The following NRXN3 variants were observed in gnomAD, a reference collection of about 807,000 sequenced individuals.
The protein encoded by NRXN3 is neurexin 3.
Under a neutral mutation model 137.6 loss-of-function variants are expected in NRXN3, and 32 were observed. The observed-to-expected ratio is 0.23, with a 90% CI of 0.18 to 0.31. The LOEUF is 0.31. Among genes scored for constraint, NRXN3 ranks in the 10% least tolerant of loss-of-function variants. The pLI, the probability that NRXN3 is intolerant of heterozygous loss-of-function variation, is 1.00. For synonymous variants in NRXN3, 798 were observed against 784.5 expected (o/e 1.02, Z -0.29); for missense variants, 1,574 against 2,062.5 (o/e 0.76, Z 4.59).
intron 15 of NRXN3, among the ~76,000 whole-genome samples, chr14:79,282,489 G>A (rs1328308928): frequency 2.6e-5 from 4 of 151,616 alleles, no homozygotes; most frequent in African/African-American, 4.9e-5. Context: ...CTAAGTCAGA[G>A]TCAGTCTCTC....
At chr14:78,315,759 AT>A (rs1257882891) in intron 4 of NRXN3, among the ~76,000 whole-genome samples, 1 of 151,830 alleles carries the variant, frequency 6.6e-6, no homozygotes, top group East Asian at 1.9e-4. Context: ...ATATCTCAGC[AT>A]TTTTTTTCCT....
chr14:79,005,094 C>T (rs371130574), intron 15 of NRXN3, among the ~76,000 whole-genome samples: 11 of 152,162 alleles, frequency 7.2e-5, no homozygotes, highest in African/African-American at 2.2e-4. Context: ...TCTCCCATAC[C>T]TTAAACCTCC....
intron 11 of NRXN3, among the ~76,000 whole-genome samples, chr14:78,960,179 C>T (rs1019410431): frequency 5.3e-5 from 8 of 152,114 alleles, no homozygotes; most frequent in African/African-American, 1.7e-4. Context: ...CCCAACCCCC[C>T]GAACTTCACT....
intron 1 of NRXN3, among the ~76,000 whole-genome samples, chr14:78,210,084 A>C (rs1211798395): frequency 1.3e-5 from 2 of 152,244 alleles, no homozygotes; most frequent in African/African-American, 4.8e-5. Context: ...CCACCACACA[A>C]GGATCACTGC....
intron 16 of NRXN3, among the ~76,000 whole-genome samples, chr14:79,471,469 C>T (rs1005569592): frequency 6.6e-6 from 1 of 152,144 alleles, no homozygotes. Flanking sequence ...ATTTCTTTTC[C>T]TTTGTTATCC....
In NRXN3 at chr14:79,626,338, T is replaced by TCTCCTGGGACCATGATGGGTC. The variant is rs2098281178; in HGVS notation, c.3445-37439_3445-37419dup. 3.3e-5 allele frequency among the ~76,000 whole-genome samples: 5 copies of TCTCCTGGGACCATGATGGGTC among 151,900 alleles called. No homozygotes were observed. The South Asian group carries it at 1.0e-3, about 32-fold the overall frequency. ...CCTCCCCTCCAGATGCCTAGAGGTA[T>TCTCCTGGGACCATGATGGGTC]CTCCTGGGACCATGATGGGTCTCAG... is the stretch of plus-strand genomic sequence containing the variant. On this transcript the variant is annotated intron_variant, in intron 16 of 20. Coordinates refer to ENST00000335750, the MANE Select transcript of NRXN3 (RefSeq NM_001330195.2).
intron 1 of NRXN3, among the ~76,000 whole-genome samples, chr14:78,212,427 G>T (rs2062838507): frequency 6.6e-6 from 1 of 152,192 alleles, no homozygotes; most frequent in South Asian, 2.1e-4. Flanking sequence ...CCAGTCTGTA[G>T]ATTCTCTTGA....
At chr14:78,615,979 AC>A (rs2097344087) in intron 4 of NRXN3, among the ~76,000 whole-genome samples, 1 of 152,006 alleles carries the variant, frequency 6.6e-6, no homozygotes, top group South Asian at 2.1e-4. Flanking sequence ...AAACAAATCA[AC>A]AAAACCCTCA....
intron 15 of NRXN3, among the ~76,000 whole-genome samples, chr14:79,190,476 T>G (rs1423919474): frequency 2.6e-5 from 4 of 152,176 alleles, no homozygotes; most frequent in African/African-American, 7.2e-5. Flanking sequence ...TGGTCATTTT[T>G]AATGGACACG....
intron 4 of NRXN3, among the ~76,000 whole-genome samples, chr14:78,579,807 C>G (rs967922997): frequency 1.3e-5 from 2 of 152,148 alleles, no homozygotes; most frequent in African/African-American, 4.8e-5. Context: ...GATGTTCTCA[C>G]TGGAAAATAA....
chr14:79,402,999 G>A (rs893795500), intron 15 of NRXN3, among the ~76,000 whole-genome samples: 3 of 152,192 alleles, frequency 2.0e-5, no homozygotes, highest in Non-Finnish European at 2.9e-5. Flanking sequence ...TTTGAGGACT[G>A]TGGGATGGTA....
At chr14:79,813,808 G>A (rs924658686) in intron 20 of NRXN3, among the ~76,000 whole-genome samples, 6 of 151,782 alleles carry the variant, frequency 4.0e-5, no homozygotes, top group African/African-American at 1.5e-4. Context: ...TTATGACAAT[G>A]TAATTAATTG....
At chr14:79,108,571 A>G (rs920425786) in intron 15 of NRXN3, among the ~76,000 whole-genome samples, 2 of 152,186 alleles carry the variant, frequency 1.3e-5, no homozygotes, top group Non-Finnish European at 2.9e-5. Flanking sequence ...ACTGTCTGAA[A>G]CTTGAAACTT....
chr14:79,034,790 G>T (rs909681346), intron 15 of NRXN3, among the ~76,000 whole-genome samples: 1 of 152,100 alleles, frequency 6.6e-6, no homozygotes, highest in African/African-American at 2.4e-5. Context: ...ATTATTAGAA[G>T]TGACGAAAAC....
chr14:78,515,839 TCTC>T (rs974832998), intron 4 of NRXN3, among the ~76,000 whole-genome samples: 5 of 151,994 alleles, frequency 3.3e-5, no homozygotes, highest in African/African-American at 9.7e-5. Flanking sequence ...TAGATGGAAA[TCTC>T]CTCATTTCTT....
At chr14:78,439,883 C>A (rs1160736288) in intron 4 of NRXN3, among the ~76,000 whole-genome samples, 2 of 152,200 alleles carry the variant, frequency 1.3e-5, no homozygotes, top group African/African-American at 2.4e-5. Flanking sequence ...CTCATTCCCT[C>A]TCTTCCTCCT....
At chr14:78,421,801 G>C (rs1278486434) in intron 4 of NRXN3, among the ~76,000 whole-genome samples, 3 of 152,090 alleles carry the variant, frequency 2.0e-5, no homozygotes, top group South Asian at 2.1e-4. Context: ...TAGGATTACA[G>C]GCACGAGCCA....
At chr14:79,054,150 G>A (rs1293013577) in intron 15 of NRXN3, among the ~76,000 whole-genome samples, 1 of 134,634 alleles carries the variant, frequency 7.4e-6, no homozygotes, top group Admixed American at 8.0e-5. Flanking sequence ...TCACACACCG[G>A]GGCCTGTTGT....
chr14:79,558,529 A>G (rs1393085010), intron 16 of NRXN3, among the ~76,000 whole-genome samples: 1 of 151,946 alleles, frequency 6.6e-6, no homozygotes, highest in Non-Finnish European at 1.5e-5. Flanking sequence ...TGATCAGTAA[A>G]ATTTTGATAG....
Sources: gnomAD v4.1 joint callset for allele counts (sites outside exome capture counted in the v4.1 genomes callset) on GRCh38, gnomAD v4.1.1 for gene constraint, MANE v1.5 for transcripts, NCBI Gene and HGNC (gene_info 2026-07-23, HGNC 2026-07-21) for gene names.